Variants in DHX33 observed in about 807,000 individuals in gnomAD.
The protein encoded by DHX33 is DEAH-box helicase 33.
Under a neutral mutation model 72.5 loss-of-function variants are expected in DHX33, and 42 were observed. That is an observed-to-expected ratio of 0.58 (90% confidence interval 0.45 to 0.75). The LOEUF (loss-of-function observed/expected upper bound fraction) is 0.75. Among genes scored for constraint, DHX33 ranks in the 30% least tolerant of loss-of-function variants. The pLI is 0.00. For synonymous variants in DHX33, 358 were observed against 366.1 expected (o/e 0.98, Z 0.25); for missense variants, 842 against 917.5 (o/e 0.92, Z 1.06).
At chr17:5,446,757 G>A (rs1167478861) in intron 11 of DHX33, among the ~76,000 whole-genome samples, 2 of 152,134 alleles carry the variant, frequency 1.3e-5, no homozygotes, top group Non-Finnish European at 2.9e-5. Context: ...ATAATGAGAG[G>A]TATCCCTGGC....
chr17:5,468,960 GC>G lies in DHX33; in HGVS notation c.-102del. On this transcript the variant is annotated 5_prime_UTR_variant, in exon 1 of 12. Transcript: ENST00000225296. The stretch of plus-strand genomic sequence containing the variant: ...CACCGCCCCTTCCTCGCCGCCACGT[GC>G]TGGCGGCTCCCGGCGACCACCGATG... The G allele has an allele frequency of 1.0e-6, 1 of 982,894 alleles. No individual in the cohort carries two copies. The highest frequency in any genetic ancestry group is 1.5e-6 in the Non-Finnish European group (1 of 686,310). The allele number at this position is 982,894 out of a possible 1,614,324, so 60.9% of individuals were successfully genotyped here.
At chr17:5,455,563 C>T (rs1281992407) in intron 5 of DHX33, among the ~76,000 whole-genome samples, 2 of 152,188 alleles carry the variant, frequency 1.3e-5, no homozygotes, top group African/African-American at 4.8e-5. Flanking sequence ...TTACTATGCG[C>T]CCCCTTGAGC....
At chr17:5,457,721 T>C (rs966154421) in intron 4 of DHX33, among the ~76,000 whole-genome samples, 1 of 152,136 alleles carries the variant, frequency 6.6e-6, no homozygotes, top group Non-Finnish European at 1.5e-5. Flanking sequence ...GTATTTTTTT[T>C]CAGCCCAGTA....
intron 1 of DHX33, among the ~76,000 whole-genome samples, chr17:5,467,784 C>T (rs555333486): frequency 1.5e-4 from 23 of 152,344 alleles, no homozygotes; most frequent in African/African-American, 4.1e-4. Flanking sequence ...CTCACCCTAA[C>T]ACCAATATAT....
At chr17:5,466,099 G>C (rs576399502) in intron 1 of DHX33, among the ~76,000 whole-genome samples, 9 of 152,196 alleles carry the variant, frequency 5.9e-5, no homozygotes, top group Middle Eastern at 6.8e-3. Context: ...GAATACAGAT[G>C]GTCCCTGTCT....
intron 9 of DHX33, 118 bp downstream of exon 9, chr17:5,450,689 T>A (rs895483306): frequency 4.0e-5 from 57 of 1,433,994 alleles, no homozygotes; most frequent in Non-Finnish European, 4.6e-5. Context: ...AAACTAGGGG[T>A]TGGTAATTAT....
chr17:5,448,296 T>A (rs994101880), intron 11 of DHX33, among the ~76,000 whole-genome samples: 3 of 152,214 alleles, frequency 2.0e-5, no homozygotes, highest in African/African-American at 7.2e-5. Flanking sequence ...ATGTGTGTGC[T>A]CACACACAGG....
chr17:5,451,596 C>CT (rs1293518902), intron 8 of DHX33, among the ~76,000 whole-genome samples: 2 of 152,044 alleles, frequency 1.3e-5, no homozygotes, highest in African/African-American at 2.4e-5. Flanking sequence ...CAGGGGCCAG[C>CT]TGGGGAGGCT....
chr17:5,450,252 A>G lies in DHX33; in HGVS notation c.1679T>C (p.Met560Thr). Residue 560 changes from methionine to threonine, a missense_variant, in exon 10 of 12, where the codon ATG becomes ACG. By Grantham distance (81) the Met-to-Thr change is moderately conservative. Coordinates refer to ENST00000225296, the MANE Select transcript of DHX33 (RefSeq NM_020162.4). Reference sequence around the variant, plus strand: ...GGTCCGATAGATATTGAGCAGGGTCATGTGATCCCCCTCGCTGGATATGAA... The same window carrying G: ...GGTCCGATAGATATTGAGCAGGGTCGTGTGATCCCCCTCGCTGGATATGAA... ...KKFISSEGDH[M>T]TLLNIYRTFK... The G allele has an allele frequency of 1.2e-6, 2 of 1,614,240 alleles. No homozygotes were observed. The highest frequency in any genetic ancestry group is 1.7e-6 in the Non-Finnish European group (2 of 1,180,044).
intron 1 of DHX33, among the ~76,000 whole-genome samples, 161 bp downstream of exon 1, chr17:5,468,410 G>T (rs753246119): frequency 5.3e-5 from 8 of 152,244 alleles, no homozygotes; most frequent in Non-Finnish European, 1.0e-4. Context: ...GGGCAGGGCT[G>T]CCGGACTCTT....
At chr17:5,454,594 T>C (rs1379298842) in intron 6 of DHX33, among the ~76,000 whole-genome samples, 1 of 152,218 alleles carries the variant, frequency 6.6e-6, no homozygotes, top group Non-Finnish European at 1.5e-5. Context: ...GCCAGGACCC[T>C]CAAATGTTTA....
intron 1 of DHX33, among the ~76,000 whole-genome samples, chr17:5,465,154 G>A (rs1904820428): frequency 6.6e-6 from 1 of 152,172 alleles, no homozygotes; most frequent in African/African-American, 2.4e-5. Flanking sequence ...AACAGTGCCT[G>A]ATTAGAGCAA....
rs1051268019 is a variant in DHX33 at position 5,468,910 on chromosome 17, C to A, written c.-51G>T. The A allele has an allele frequency of 3.9e-6, 6 of 1,544,488 alleles. No homozygotes were observed. Among genetic ancestry groups the A allele is most frequent in the East Asian group, 2.5e-5 (1 of 40,796 alleles). On this transcript the variant is annotated 5_prime_UTR_variant, in exon 1 of 12. It adds an upstream start codon to the 5' untranslated region. Transcript: ENST00000225296. ...CGCAAGCGCCGAGAGCTCCTGCCCCCTCTCAGGTGCAGACAACAGGAGCAC... is the reference window on the plus strand; with the variant it reads ...CGCAAGCGCCGAGAGCTCCTGCCCCATCTCAGGTGCAGACAACAGGAGCAC...
chr17:5,463,103 C>T (rs957447362), intron 2 of DHX33, among the ~76,000 whole-genome samples: 1 of 151,730 alleles, frequency 6.6e-6, no homozygotes, highest in African/African-American at 2.4e-5. Context: ...TCATGTGAAG[C>T]TATGTACAGA....
chr17:5,450,210 C>T lies in DHX33; in HGVS notation c.1721G>A (p.Gly574Glu). 1 of 1,614,182 alleles carries T rather than the reference C, an allele frequency of 6.2e-7. No individual in the cohort carries two copies. The highest frequency in any genetic ancestry group is 8.5e-7 in the Non-Finnish European group (1 of 1,180,034). ...NIYRTFKNLG[G>E]NKDWCKENFV... ...GTGCAAGACAAGGCTCACCTTATTT[C>T]CGCCTAGGTTTTTGAAGGTCCGATA... Residue 574 changes from glycine (G) to glutamate (E), a missense_variant, in exon 10 of 12, where the codon GGA becomes GAA. Physicochemically the swap from Gly to Glu is moderately conservative, Grantham distance 98 (BLOSUM62 -2). Transcript: ENST00000225296.
intron 9 of DHX33, 120 bp downstream of exon 9, chr17:5,450,687 G>T: frequency 7.0e-7 from 1 of 1,424,686 alleles, no homozygotes; most frequent in Non-Finnish European, 9.6e-7. Context: ...GCAAACTAGG[G>T]GTTGGTAATT....
chr17:5,463,346 C>T (rs1165946141), intron 2 of DHX33, among the ~76,000 whole-genome samples, 183 bp downstream of exon 2: 1 of 152,160 alleles, frequency 6.6e-6, no homozygotes, highest in African/African-American at 2.4e-5. Context: ...ATTTTGAAAG[C>T]AAAGCACATG....
In DHX33 at chr17:5,444,064, A is replaced by C; in HGVS notation, c.*141T>G. ...TGGTTCAGTCCCAGGAGTTGAGCAA[A>C]GATGCTTTCACGCTCCTGGAAGTCA... On this transcript the variant is annotated 3_prime_UTR_variant, in exon 12 of 12. Transcript: ENST00000225296. This position sits in a 1 kb window ranked among gnomAD's most constrained non-coding sequence, Gnocchi z 4.9. 3 of 923,020 alleles carry C rather than the reference A, an allele frequency of 3.3e-6. No homozygotes were observed. The South Asian group carries it at 5.3e-5, about 16-fold the overall frequency. The allele number at this position is 923,020 out of a possible 1,614,324, so 57.2% of individuals were successfully genotyped here. A position where few individuals can be genotyped will look rare whatever the true frequency, so the allele number is the denominator to read the frequency against.
intron 4 of DHX33, among the ~76,000 whole-genome samples, chr17:5,460,332 C>T (rs11868567): frequency 0.099 from 15,040 of 151,558 alleles, 838 homozygotes; most frequent in African/African-American, 0.15. Context: ...TTCTTAATGG[C>T]GGTTATAATC....
Sources: allele counts gnomAD v4.1 joint callset (sites outside exome capture counted in the v4.1 genomes callset), GRCh38; gene constraint gnomAD v4.1.1; non-coding constraint Gnocchi (gnomAD v3.1); transcripts MANE v1.5; gene names NCBI Gene and HGNC (gene_info 2026-07-23, HGNC 2026-07-21).